Variants in TMEM185A observed in about 807,000 individuals in gnomAD.
The protein encoded by TMEM185A is transmembrane protein 185A, also known as family with sequence similarity 11, member A.
TMEM185A carries 9 observed loss-of-function variants against 25.0 expected under a neutral mutation model. That is an observed-to-expected ratio of 0.36 (90% CI 0.22 to 0.63). The LOEUF (loss-of-function observed/expected upper bound fraction) is 0.63, where lower values mean the gene tolerates loss of function less well. TMEM185A is among the 20% of genes least tolerant of loss of function. The probability of loss-of-function intolerance (pLI) is 0.68; values close to 1 mark genes in which losing one functional copy is unlikely to be tolerated. For missense variants in TMEM185A, 103 were observed against 237.4 expected (o/e 0.43, Z 3.72); for synonymous variants, 45 against 93.5 (o/e 0.48, Z 2.99).
intron 2 of TMEM185A, among the ~76,000 whole-genome samples, chrX:149,609,194 C>G (rs1016822204): frequency 2.7e-5 from 3 of 112,533 alleles, no homozygotes; most frequent in African/African-American, 9.7e-5. Context: ...CAAGATTATT[C>G]AAGCTGATTT....
intron 1 of TMEM185A, among the ~76,000 whole-genome samples, chrX:149,627,488 ATCTC>A (rs1366996729): frequency 1.8e-5 from 2 of 111,330 alleles, no homozygotes; most frequent in African/African-American, 6.5e-5. Context: ...TAACAATCTG[ATCTC>A]TCTCTCTCTT....
chrX:149,616,323 A>C (rs2090110197), intron 1 of TMEM185A, among the ~76,000 whole-genome samples: 1 of 112,241 alleles, frequency 8.9e-6, no homozygotes, highest in Admixed American at 9.4e-5. Context: ...TTAAAATGGC[A>C]CACATTTATT....
intron 1 of TMEM185A, among the ~76,000 whole-genome samples, chrX:149,628,591 G>A (rs1569561100): frequency 8.9e-6 from 1 of 112,301 alleles, no homozygotes; most frequent in East Asian, 2.8e-4. Context: ...AGTTTCCAGA[G>A]CCTTGCCAAC....
At chrX:149,607,221 C>T (rs1405018429) in intron 3 of TMEM185A, among the ~76,000 whole-genome samples, 1 of 111,881 alleles carries the variant, frequency 8.9e-6, no homozygotes, top group African/African-American at 3.3e-5. Context: ...GCTTATATGC[C>T]TGACCCACCC....
chrX:149,624,659 T>G (rs782522917), intron 1 of TMEM185A, among the ~76,000 whole-genome samples: 1 of 111,773 alleles, frequency 8.9e-6, no homozygotes, highest in Non-Finnish European at 1.9e-5. Flanking sequence ...TCACAAACTA[T>G]CAAGGGAACT....
chrX:149,631,307 CCTTCCGGCCGTGGCCGGGCA>C (rs1272811535), intron 1 of TMEM185A, among the ~76,000 whole-genome samples: 1 of 110,695 alleles, frequency 9.0e-6, no homozygotes, highest in Non-Finnish European at 1.9e-5. Flanking sequence ...GCGGCCGGGC[CCTTCCGGCCGTGGCCGGGCA>C]GGGGCTGAAA....
At chrX:149,603,732 CATG>C (rs1259737530) in intron 4 of TMEM185A, 24 of 252,137 alleles carry the variant, frequency 9.5e-5, no homozygotes, top group African/African-American at 6.8e-4. Context: ...CTTTTATTAA[CATG>C]ATAAAATGTT....
chrX:149,625,916 G>C (rs918976383), intron 1 of TMEM185A, among the ~76,000 whole-genome samples: 1 of 111,939 alleles, frequency 8.9e-6, no homozygotes, highest in East Asian at 2.8e-4. Context: ...GTAAATAGAG[G>C]GTTCCTTAGC....
chrX:149,608,361 C>A, intron 3 of TMEM185A: 6 of 201,415 alleles, frequency 3.0e-5, no homozygotes, highest in East Asian at 1.9e-4. Flanking sequence ...GACGGAGTTT[C>A]ATTCTGTCAC....
chrX:149,622,281 G>C (rs1557355567), intron 1 of TMEM185A, among the ~76,000 whole-genome samples: 1 of 112,101 alleles, frequency 8.9e-6, no homozygotes, highest in Non-Finnish European at 1.9e-5. Context: ...AACCTAACAT[G>C]ACCATGGAAT....
intron 3 of TMEM185A, among the ~76,000 whole-genome samples, chrX:149,605,608 TC>T (rs1481031100): frequency 1.8e-5 from 2 of 111,831 alleles, no homozygotes; most frequent in Non-Finnish European, 3.8e-5. Flanking sequence ...AACAGTGGTC[TC>T]ATTTCTCAAG....
Position 149,597,189 on chromosome X carries a change from T to G in TMEM185A, c.*822A>C, listed in dbSNP as rs2089995406. The G allele has an allele frequency of 4.7e-5, 4 of 84,493 alleles. No individual in the cohort carries two copies. Among genetic ancestry groups the G allele is most frequent in the Admixed American group, 1.4e-4 (1 of 7,111 alleles). 7.0% of individuals were successfully genotyped at this position (84,493 alleles called of 1,213,427 possible). ...ACCTGCACGAGTTCCAGGGCAGAAG[T>G]GGCAATGTCCCATGAAGGCGTGGCA... On this transcript the variant is annotated 3_prime_UTR_variant, in exon 7 of 7. Transcript: ENST00000600449.
intron 1 of TMEM185A, among the ~76,000 whole-genome samples, chrX:149,630,492 T>C (rs782662176): frequency 1.8e-5 from 2 of 111,531 alleles, no homozygotes; most frequent in Non-Finnish European, 3.8e-5. Context: ...CACACAAATA[T>C]TTACTGAGCA....
intron 3 of TMEM185A, among the ~76,000 whole-genome samples, 196 bp from the exon 4 acceptor site, chrX:149,604,266 C>CCTGCTGCCTTGCCCTT (rs2090033643): frequency 9.0e-6 from 1 of 111,422 alleles, no homozygotes; most frequent in South Asian, 3.7e-4. Context: ...TGGGGCTCAG[C>CCTGCTGCCTTGCCCTT]CTGCTGCCTT....
At chrX:149,625,253 C>T (rs1306633983) in intron 1 of TMEM185A, among the ~76,000 whole-genome samples, 1 of 111,966 alleles carries the variant, frequency 8.9e-6, no homozygotes, top group African/African-American at 3.3e-5. Flanking sequence ...CTTCAATCCA[C>T]GGTCTCTCCT....
intron 1 of TMEM185A, among the ~76,000 whole-genome samples, chrX:149,618,848 T>C (rs1377210948): frequency 1.8e-5 from 2 of 112,347 alleles, no homozygotes; most frequent in Non-Finnish European, 3.8e-5. Context: ...TTTTAATGTA[T>C]GATATCATAG....
chrX:149,608,765 C>T lies in TMEM185A; in HGVS notation c.285G>A (p.Leu95=). Residue 95 remains leucine (L), a synonymous_variant, in exon 3 of 7, where the codon TTG becomes TTA. Transcript: ENST00000600449. The part of the protein sequence containing the change: ...LIAVGIHLLL[L]MFEVLVCDRI... ...TGTCACAGACCAGAACTTCAAACAT[C>T]AACAAGAGCAAGTGGATGCCCACTG... 8.3e-7 allele frequency: 1 copy of T among 1,211,580 alleles called. No individual in the cohort carries two copies. Among genetic ancestry groups the T allele is most frequent in the Non-Finnish European group, 1.1e-6 (1 of 895,438 alleles).
intron 1 of TMEM185A, among the ~76,000 whole-genome samples, chrX:149,613,230 T>C (rs182985910): frequency 1.7e-4 from 19 of 112,563 alleles, no homozygotes; most frequent in African/African-American, 6.1e-4. Flanking sequence ...AGGAAGATTA[T>C]ACTGGATTAT....
intron 1 of TMEM185A, among the ~76,000 whole-genome samples, chrX:149,619,500 CTTTT>C (rs1167404791): frequency 3.4e-4 from 37 of 107,934 alleles, no homozygotes; most frequent in African/African-American, 7.7e-4. Flanking sequence ...CTTTTTTTTT[CTTTT>C]TTTTATTATT....
Sources: gnomAD v4.1 joint callset for allele counts (sites outside exome capture counted in the v4.1 genomes callset) on GRCh38, gnomAD v4.1.1 for gene constraint, MANE v1.5 for transcripts, NCBI Gene and HGNC (gene_info 2026-07-23, HGNC 2026-07-21) for gene names.